GTPBP4: variants seen among roughly 807,000 people sequenced by gnomAD.
GTPBP4 encodes the protein GTP-binding protein 4.
GTPBP4 carries 15 observed loss-of-function variants against 81.7 expected under a neutral mutation model. The ratio of observed to expected loss-of-function variants is 0.18; its 90% CI spans 0.12 to 0.28. The LOEUF is 0.28. GTPBP4 is among the 10% of genes least tolerant of loss of function. The probability of loss-of-function intolerance (pLI) is 1.00; values close to 1 mark genes in which losing one functional copy is unlikely to be tolerated. For synonymous variants in GTPBP4, 272 were observed against 274.6 expected (o/e 0.99, Z 0.09); for missense variants, 847 against 793.8 (o/e 1.07, Z -0.81).
At chr10:1,011,463 T>TCCTGCTCTCAGCTGAGCTC in intron 13 of GTPBP4, among the ~76,000 whole-genome samples, 1 of 152,178 alleles carries the variant, frequency 6.6e-6, no homozygotes, top group South Asian at 2.1e-4. Context: ...CTGTCCTGCC[T>TCCTGCTCTCAGCTGAGCTC]TCTGCTCTCA....
chr10:988,624 T>C, intron 1 of GTPBP4, 97 bp downstream of exon 1: 2 of 909,014 alleles, frequency 2.2e-6, no homozygotes, highest in South Asian at 1.3e-5. Context: ...AGCGGTCGCC[T>C]TCCGCTCGCC....
rs1004028395 is a variant in GTPBP4 at position 990,451 on chromosome 10, G to A, written c.48+1924G>A. ...AGAGAGGTAAGTCGAGGCCGGGTGC[G>A]GTGGCTCTCGCCTGTAATCCCAGCA... On this transcript the variant is annotated intron_variant, in intron 1 of 16. Coordinates refer to ENST00000360803, the MANE Select transcript of GTPBP4 (RefSeq NM_012341.3). Among the ~76,000 whole-genome samples the A allele has an allele frequency of 5.3e-5, 8 of 152,070 alleles. No individual in the cohort carries two copies. In the East Asian group the frequency reaches 5.8e-4, roughly 11 times the overall value.
At chr10:1,015,962 G>A (rs1831984817) in intron 16 of GTPBP4, 66 bp downstream of exon 16, 15 of 1,401,622 alleles carry the variant, frequency 1.1e-5, no homozygotes, top group East Asian at 4.6e-5. Flanking sequence ...CAGGGTTCAG[G>A]GCAAACACCA....
rs1427558666 is a variant in GTPBP4 at position 1,015,951 on chromosome 10, A to C, written c.1752+55A>C. On this transcript the variant is annotated intron_variant, in intron 16 of 16. Transcript: ENST00000360803. ...AATGACAGTCTCTGTTGTTTATTGC[A>C]CAGGGTTCAGGGCAAACACCAGCAG... 2.0e-6 allele frequency: 3 copies of C among 1,500,078 alleles called. No homozygotes were observed. The East Asian group carries it at 6.8e-5, about 34-fold the overall frequency. The allele number at this position is 1,500,078 out of a possible 1,614,324, so 92.9% of individuals were successfully genotyped here.
At chr10:1,007,959 GATAC>G (rs1831777408) in intron 10 of GTPBP4, 1 of 518,036 alleles carries the variant, frequency 1.9e-6, no homozygotes, top group Non-Finnish European at 3.8e-6. Flanking sequence ...ATTCTTGTCA[GATAC>G]ATTGCAAATT....
At position 1,010,476 on chromosome 10, in the gene GTPBP4, G is replaced by A. The variant is rs1256204424; in HGVS notation, c.1300G>A (p.Glu434Lys). ...ACATGATAAGATACCAGAAATCTGG[G>A]AAGGCCATAATATAGCTGATTATAT... ...EKHDKIPEIW[E>K]GHNIADYIDP... The change falls in exon 13 of 17, where the codon GAA becomes AAA. Residue 434 changes from glutamate (E) to lysine (K), a missense_variant. Physicochemically the swap from Glu to Lys is moderately conservative, Grantham distance 56. Coordinates refer to ENST00000360803, the MANE Select transcript of GTPBP4 (RefSeq NM_012341.3). 1.3e-6 allele frequency: 2 copies of A among 1,582,840 alleles called. No individual in the cohort carries two copies. The highest frequency in any genetic ancestry group is 2.2e-5 in the East Asian group (1 of 44,770).
intron 1 of GTPBP4, 186 bp downstream of exon 1, chr10:988,713 C>T (rs1831387312): frequency 6.7e-6 from 4 of 599,566 alleles, no homozygotes; most frequent in Non-Finnish European, 1.2e-5. Context: ...CCGGGGTCCA[C>T]CAGAGATCGG....
chr10:1,006,897 C>A (rs1351395158), intron 9 of GTPBP4, 121 bp from the exon 10 acceptor site: 2 of 665,114 alleles, frequency 3.0e-6, no homozygotes, highest in Non-Finnish European at 5.5e-6. Flanking sequence ...TGGCCCCCTA[C>A]GTGTTAGTTA....
At chr10:1,005,190 G>C (rs532056760) in intron 8 of GTPBP4, among the ~76,000 whole-genome samples, 3 of 152,244 alleles carry the variant, frequency 2.0e-5, no homozygotes, top group South Asian at 2.1e-4. Flanking sequence ...CTGTCCCCCA[G>C]GCTGGAGTGC....
Position 1,000,955 on chromosome 10 carries a change from T to A in GTPBP4, c.854T>A (p.Ile285Lys). Reference sequence around the variant, plus strand: ...TTTTTCTTCCTTGCCTAGCCTCTCATAGTTGTAGCCAACAAATGTGATGTG... The same window carrying A: ...TTTTTCTTCCTTGCCTAGCCTCTCAAAGTTGTAGCCAACAAATGTGATGTG... ...IRPLFINKPL[I>K]VVANKCDVKR... is the part of the protein sequence containing the mutation. Residue 285 changes from isoleucine (I) to lysine (K), a missense_variant, in exon 8 of 17, where the codon ATA (isoleucine) becomes AAA (lysine). Ile to Lys is a moderately radical substitution (Grantham distance 102). This residue lies in a region of GTPBP4 where 600 missense variants were observed against 557.1 expected (regional missense o/e 1.08). Transcript: ENST00000360803. The A allele has an allele frequency of 6.2e-7, 1 of 1,612,042 alleles. No individual in the cohort carries two copies. Among genetic ancestry groups the A allele is most frequent in the Non-Finnish European group, 8.5e-7 (1 of 1,178,074 alleles).
chr10:1,005,767 A>G, intron 8 of GTPBP4, 51 bp from the exon 9 acceptor site: 2 of 1,005,532 alleles, frequency 2.0e-6, no homozygotes, highest in Admixed American at 1.7e-5. Flanking sequence ...TTTGTTCCAT[A>G]GGGAACTGGA....
At chr10:1,006,455 G>A (rs1201581703) in intron 9 of GTPBP4, among the ~76,000 whole-genome samples, 2 of 152,148 alleles carry the variant, frequency 1.3e-5, no homozygotes, top group Non-Finnish European at 2.9e-5. Context: ...CCTGGCCAAC[G>A]TGGTGAAACT....
intron 14 of GTPBP4, among the ~76,000 whole-genome samples, chr10:1,013,332 G>A (rs909526854): frequency 4.6e-5 from 7 of 151,344 alleles, no homozygotes; most frequent in Admixed American, 2.0e-4. Context: ...TCTTTAGGCC[G>A]GGCGCAGTGG....
At chr10:1,009,108 G>A (rs1831804370) in intron 11 of GTPBP4, 73 bp downstream of exon 11, 5 of 1,177,150 alleles carry the variant, frequency 4.2e-6, no homozygotes, top group Non-Finnish European at 6.3e-6. Flanking sequence ...GTGGGGGCCT[G>A]GGGCATCGAA....
At chr10:995,733 G>A (rs2132157745) in intron 2 of GTPBP4, among the ~76,000 whole-genome samples, 196 bp from the exon 3 acceptor site, 1 of 152,270 alleles carries the variant, frequency 6.6e-6, no homozygotes, top group Admixed American at 6.5e-5. Flanking sequence ...GGTGGGAGCC[G>A]TGACTGTCGG....
rs1337583797 is a variant in GTPBP4, at chr10:1,015,898, T to G, written c.1752+2T>G. On this transcript the variant is annotated splice_donor_variant, in intron 16 of 16. Transcript: ENST00000360803. LOFTEE classifies it high-confidence loss of function. ...GTTTCTGGTCTTAGGGATGTCAAGGTCAGTCTCTGTGTTGTGTAATGTAAT... is the reference window on the plus strand; with the variant it reads ...GTTTCTGGTCTTAGGGATGTCAAGGGCAGTCTCTGTGTTGTGTAATGTAAT... 6.2e-7 allele frequency: 1 copy of G among 1,610,522 alleles called. No homozygotes were observed. The highest frequency in any genetic ancestry group is 1.7e-5 in the Admixed American group (1 of 59,742).
At chr10:1,012,706 A>G (rs907676607) in intron 14 of GTPBP4, 44 bp downstream of exon 14, 2 of 1,396,232 alleles carry the variant, frequency 1.4e-6, no homozygotes, top group African/African-American at 2.9e-5. Context: ...AGTTTTTGAA[A>G]ATTGGATTCC....
chr10:1,001,303 G>A (rs1238968205), intron 8 of GTPBP4, among the ~76,000 whole-genome samples: 1 of 152,224 alleles, frequency 6.6e-6, no homozygotes, highest in African/African-American at 2.4e-5. Flanking sequence ...AGAACTGTTG[G>A]AGAAGGGTGC....
At chr10:992,720 T>G in intron 2 of GTPBP4, 61 bp downstream of exon 2, 1 of 1,014,824 alleles carries the variant, frequency 9.9e-7, no homozygotes, top group Non-Finnish European at 1.5e-6. Context: ...AACCAGTGTT[T>G]AACCAGTTTG....
Sources: gnomAD v4.1 joint callset for allele counts (sites outside exome capture counted in the v4.1 genomes callset) on GRCh38, gnomAD v4.1.1 for gene constraint, gnomAD v4.1.1 regional missense constraint, MANE v1.5 for transcripts, NCBI Gene and HGNC (gene_info 2026-07-23, HGNC 2026-07-21) for gene names.